The following NYAP2 variants were observed in gnomAD, a reference collection of about 807,000 sequenced individuals.
NYAP2 encodes neuronal tyrosine-phosphorylated phosphoinositide-3-kinase adapter 2.
In NYAP2, 23 loss-of-function variants were observed where a neutral mutation model predicts 50.4. The ratio of observed to expected loss-of-function variants is 0.46; its 90% CI spans 0.33 to 0.65. NYAP2 has a LOEUF of 0.65. NYAP2 is among the 30% of genes least tolerant of loss of function. The pLI, the probability that NYAP2 is intolerant of heterozygous loss-of-function variation, is 0.02. For synonymous variants in NYAP2, 394 were observed against 365.2 expected (o/e 1.08, Z -0.90); for missense variants, 885 against 861.0 (o/e 1.03, Z -0.35).
At chr2:225,428,717 G>T (rs1387872557) in intron 3 of NYAP2, among the ~76,000 whole-genome samples, 1 of 152,162 alleles carries the variant, frequency 6.6e-6, no homozygotes, top group Admixed American at 6.5e-5. Context: ...CTTCCCAAAC[G>T]TGATTCCTGG....
chr2:225,669,857 T>A, the NYAP2 span, among the ~76,000 whole-genome samples: 1 of 152,122 alleles, frequency 6.6e-6, no homozygotes, highest in East Asian at 1.9e-4. Context: ...GGCAAGAAGG[T>A]TAAATAAATA....
intron 4 of NYAP2, among the ~76,000 whole-genome samples, chr2:225,538,470 G>A (rs1691389734): frequency 6.6e-6 from 1 of 152,230 alleles, no homozygotes; most frequent in Admixed American, 6.5e-5. Context: ...ACCCTCTGAA[G>A]CCATGGACTG....
chr2:225,443,822 TA>T (rs1187233183), intron 3 of NYAP2, among the ~76,000 whole-genome samples: 4 of 152,192 alleles, frequency 2.6e-5, no homozygotes, highest in African/African-American at 9.7e-5. Context: ...TGTGGACTAG[TA>T]AAGTAGTTTT....
At chr2:225,522,378 T>C (rs897556213) in intron 4 of NYAP2, among the ~76,000 whole-genome samples, 2 of 152,138 alleles carry the variant, frequency 1.3e-5, no homozygotes, top group South Asian at 4.1e-4. Context: ...TTTCTGATTT[T>C]GTTTTAGACA....
At chr2:225,470,825 G>GTGTGTA (rs151090508) in intron 3 of NYAP2, among the ~76,000 whole-genome samples, 7,286 of 151,772 alleles carry the variant, frequency 0.048, 201 homozygotes, top group Middle Eastern at 0.094. Flanking sequence ...GTGTGTGTGT[G>GTGTGTA]TATATATATT....
At chr2:225,489,638 C>T (rs1690369512) in intron 3 of NYAP2, among the ~76,000 whole-genome samples, 1 of 152,156 alleles carries the variant, frequency 6.6e-6, no homozygotes, top group South Asian at 2.1e-4. Context: ...TTGCCATATT[C>T]TGAAATACCC....
In NYAP2 at chr2:225,608,614, A is replaced by G. The variant is rs568755268; in HGVS notation, c.1619-18303A>G. Among the ~76,000 whole-genome samples, 72 of 152,040 alleles carry G rather than the reference A, an allele frequency of 4.7e-4. No homozygotes were observed. In the South Asian group the frequency reaches 5.2e-3, roughly 11 times the overall value. On this transcript the variant is annotated intron_variant, in intron 5 of 6. Transcript: ENST00000636099. ...GGTCCCTGAACCATTATTTCTCTCC[A>G]TCTTTCAATTTTTTAAAAAAAGTAT...
At chr2:225,686,526 A>G in the NYAP2 span, among the ~76,000 whole-genome samples, 84 of 152,298 alleles carry the variant, frequency 5.5e-4, no homozygotes, top group African/African-American at 2.0e-3. Context: ...ATAAATATGT[A>G]TGTAAGGATT....
At position 225,581,934 on chromosome 2, in the gene NYAP2, C is replaced by G; in HGVS notation, c.524-7C>G. 4 of 1,583,662 alleles carry G rather than the reference C, an allele frequency of 2.5e-6. No individual in the cohort carries two copies. The highest frequency in any genetic ancestry group is 2.6e-6 in the Non-Finnish European group (3 of 1,162,064). On this transcript the variant is annotated splice_region_variant and splice_polypyrimidine_tract_variant and intron_variant, in intron 4 of 6. Transcript: ENST00000636099. ...CATCTATTCCACTACGTTTTTTCTT[C>G]TTTTAGCGTCAGCTAAACCAAGACC...
At chr2:225,520,874 T>A (rs908730124) in intron 4 of NYAP2, among the ~76,000 whole-genome samples, 5 of 152,148 alleles carry the variant, frequency 3.3e-5, no homozygotes, top group African/African-American at 1.2e-4. Flanking sequence ...AGTATGGCCA[T>A]TTTCATGGTA....
the NYAP2 span, among the ~76,000 whole-genome samples, chr2:225,674,150 T>G: frequency 6.6e-6 from 1 of 152,078 alleles, no homozygotes; most frequent in Non-Finnish European, 1.5e-5. Flanking sequence ...ACAAAAAAAG[T>G]AAAAACTTTC....
rs779640204 is a variant in NYAP2 at position 225,582,215 on chromosome 2, C to T, written c.798C>T (p.Ala266=). ...AGGAGGACGATGACCAGAGCGAGGCCGTCTACGAGGAAATGAAGTACCCTA... is the reference window on the plus strand; with the variant it reads ...AGGAGGACGATGACCAGAGCGAGGCTGTCTACGAGGAAATGAAGTACCCTA... Residue 266 remains alanine (A), a synonymous_variant, in exon 5 of 7, where the codon GCC becomes GCT. Coordinates refer to ENST00000636099, the Ensembl canonical transcript of NYAP2. This position sits in a 1 kb window ranked among gnomAD's most constrained non-coding sequence, Gnocchi z 7.0. 11 of 1,614,002 alleles carry T rather than the reference C, an allele frequency of 6.8e-6. No individual in the cohort carries two copies. Among genetic ancestry groups the T allele is most frequent in the South Asian group, 1.1e-5 (1 of 91,086 alleles).
intron 4 of NYAP2, among the ~76,000 whole-genome samples, chr2:225,564,608 T>A (rs1254529392): frequency 6.6e-6 from 1 of 151,800 alleles, no homozygotes; most frequent in African/African-American, 2.4e-5. Context: ...TTTTCCCACC[T>A]AACTCTTCAA....
chr2:225,532,235 C>G (rs939421511), intron 4 of NYAP2, among the ~76,000 whole-genome samples: 11 of 152,146 alleles, frequency 7.2e-5, no homozygotes, highest in African/African-American at 2.4e-4. Context: ...CAGTTCTTCA[C>G]CCTACCTTAC....
At chr2:225,421,432 G>A (rs893640649) in intron 3 of NYAP2, among the ~76,000 whole-genome samples, 1 of 152,148 alleles carries the variant, frequency 6.6e-6, no homozygotes, top group African/African-American at 2.4e-5. Context: ...TTAGGGGACA[G>A]ATGACATTTT....
At chr2:225,613,520 C>T (rs111801301) in intron 5 of NYAP2, among the ~76,000 whole-genome samples, 1 of 152,244 alleles carries the variant, frequency 6.6e-6, no homozygotes, top group Non-Finnish European at 1.5e-5. Flanking sequence ...AGACATCCTT[C>T]CATCCAATCA....
At chr2:225,661,689 T>G in the NYAP2 span, among the ~76,000 whole-genome samples, 2 of 152,026 alleles carry the variant, frequency 1.3e-5, no homozygotes, top group Admixed American at 1.3e-4. Context: ...TATGCATAGT[T>G]GCCTCATATA....
chr2:225,491,993 G>A (rs894441608), intron 3 of NYAP2, among the ~76,000 whole-genome samples: 10 of 152,290 alleles, frequency 6.6e-5, no homozygotes, highest in Non-Finnish European at 1.3e-4. Context: ...AGGAGGTGGT[G>A]GTATGACCCA....
chr2:225,683,902 C>T, the NYAP2 span, among the ~76,000 whole-genome samples: 1 of 152,084 alleles, frequency 6.6e-6, no homozygotes, highest in East Asian at 1.9e-4. Context: ...TCATACTGAC[C>T]TCATACATAT....
Sources: allele counts gnomAD v4.1 joint callset (sites outside exome capture counted in the v4.1 genomes callset), GRCh38; gene constraint gnomAD v4.1.1; non-coding constraint Gnocchi (gnomAD v3.1); transcripts MANE v1.5; gene names NCBI Gene and HGNC (gene_info 2026-07-23, HGNC 2026-07-21).